DCC: variants seen among roughly 807,000 people sequenced by gnomAD.
The protein encoded by DCC is DCC netrin 1 receptor.
Under a neutral mutation model 172.5 loss-of-function variants are expected in DCC, and 58 were observed. The observed-to-expected ratio is 0.34, with a 90% CI of 0.27 to 0.42. The LOEUF is 0.42. DCC is among the 10% of genes least tolerant of loss of function. The pLI is 1.00. For synonymous variants in DCC, 709 were observed against 644.5 expected, an observed-to-expected ratio of 1.10 and a Z score of -1.52; for missense variants, 1,740 against 1,791.0, an observed-to-expected ratio of 0.97 and a Z score of 0.51.
chr18:53,042,744 CA>C (rs2042187065), intron 5 of DCC, among the ~76,000 whole-genome samples: 1 of 151,920 alleles, frequency 6.6e-6, no homozygotes, highest in African/African-American at 2.4e-5. Flanking sequence ...AAATGCAAAT[CA>C]AAACTAAAAT....
intron 1 of DCC, among the ~76,000 whole-genome samples, chr18:52,345,437 A>C (rs568423819): frequency 5.9e-5 from 9 of 152,286 alleles, no homozygotes; most frequent in Admixed American, 2.0e-4. Flanking sequence ...TAAGAGTTTC[A>C]TGAGTTGTCA....
chr18:53,298,169 G>A (rs1401034362), intron 12 of DCC, among the ~76,000 whole-genome samples: 2 of 152,060 alleles, frequency 1.3e-5, no homozygotes, highest in African/African-American at 4.8e-5. Context: ...CTTATCAAGT[G>A]ATTTACACTT....
intron 5 of DCC, among the ~76,000 whole-genome samples, chr18:52,928,182 T>C (rs2040249024): frequency 2.0e-5 from 3 of 152,126 alleles, no homozygotes; most frequent in Admixed American, 2.0e-4. Flanking sequence ...CATTTTCCTA[T>C]TTATAAGTGG....
At position 53,533,248 on chromosome 18, in the gene DCC, G is replaced by A. The variant is rs917602158; in HGVS notation, c.*2595G>A. ...GATCTCTTGACAAGAAGAAACCTGT[G>A]AATACTGCAAACTAGCCTCTGACTT... On this transcript the variant is annotated 3_prime_UTR_variant, in exon 29 of 29. Coordinates refer to ENST00000442544, the MANE Select transcript of DCC (RefSeq NM_005215.4). 2.6e-5 allele frequency: 4 copies of A among 152,068 alleles called. No individual in the cohort carries two copies. Among genetic ancestry groups the A allele is most frequent in the Non-Finnish European group, 5.9e-5 (4 of 68,014 alleles). 9.4% of individuals were successfully genotyped at this position (152,068 alleles called of 1,614,324 possible). A position where few individuals can be genotyped will look rare whatever the true frequency, so the allele number is the denominator to read the frequency against.
intron 21 of DCC, among the ~76,000 whole-genome samples, chr18:53,432,764 G>A (rs1377491467): frequency 1.3e-5 from 2 of 149,902 alleles, no homozygotes. Context: ...TTATTATTAT[G>A]TATTGGCCAC....
At chr18:53,007,459 A>T (rs1283335557) in intron 5 of DCC, among the ~76,000 whole-genome samples, 1 of 152,164 alleles carries the variant, frequency 6.6e-6, no homozygotes, top group Non-Finnish European at 1.5e-5. Flanking sequence ...CTGGAACTAA[A>T]TAAGAGCTGA....
intron 2 of DCC, among the ~76,000 whole-genome samples, chr18:52,883,381 TGTGTGTGTGTGAGA>T (rs2039520973): frequency 8.6e-6 from 1 of 115,850 alleles, no homozygotes; most frequent in Non-Finnish European, 2.1e-5. Context: ...TGTGTGTGTG[TGTGTGTGTGTGAGA>T]TCTCTTTCTG....
intron 7 of DCC, among the ~76,000 whole-genome samples, chr18:53,118,650 A>T (rs1453040316): frequency 6.6e-6 from 1 of 151,838 alleles, no homozygotes; most frequent in East Asian, 1.9e-4. Flanking sequence ...ATATACATTA[A>T]GTCCTTTATG....
At chr18:52,348,091 A>G (rs1425683111) in intron 1 of DCC, among the ~76,000 whole-genome samples, 1 of 152,164 alleles carries the variant, frequency 6.6e-6, no homozygotes, top group Non-Finnish European at 1.5e-5. Flanking sequence ...TAATGTGTAT[A>G]TTCTCTGACT....
chr18:53,150,512 T>C lies in DCC; in HGVS notation c.1262-6844T>C, dbSNP rs576326029. On this transcript the variant is annotated intron_variant, in intron 7 of 28. Transcript: ENST00000442544. ...TCCTTCTTTCACAGAGCATACAATT[T>C]GTAATAGGATCACAACAACAATAAC... Among the ~76,000 whole-genome samples the C allele has an allele frequency of 5.4e-4, 83 of 152,318 alleles. 1 individual carries two copies. The South Asian group carries it at 0.017, about 31-fold the overall frequency.
intron 1 of DCC, among the ~76,000 whole-genome samples, chr18:52,355,746 G>C (rs189239634): frequency 6.6e-6 from 1 of 152,134 alleles, no homozygotes; most frequent in East Asian, 1.9e-4. Context: ...GAAAAAAAAA[G>C]GTGACCAGAG....
chr18:52,601,351 CT>C (rs894960356), intron 1 of DCC, among the ~76,000 whole-genome samples: 5 of 151,870 alleles, frequency 3.3e-5, no homozygotes, highest in African/African-American at 7.2e-5. Context: ...GTAGTTTACA[CT>C]TTTTTTTCCC....
intron 2 of DCC, among the ~76,000 whole-genome samples, chr18:52,888,255 G>A (rs1278796192): frequency 1.3e-5 from 2 of 152,152 alleles, no homozygotes; most frequent in African/African-American, 2.4e-5. Flanking sequence ...GGCCAGAAGT[G>A]CTGACAAAAA....
At chr18:52,911,401 G>C (rs2145459971) in intron 3 of DCC, among the ~76,000 whole-genome samples, 1 of 150,978 alleles carries the variant, frequency 6.6e-6, no homozygotes, top group East Asian at 1.9e-4. Context: ...GATAAATGCA[G>C]AATGAGAAAT....
intron 1 of DCC, chr18:52,409,029 T>A (rs1400194731): frequency 1.3e-5 from 2 of 152,134 alleles, no homozygotes; most frequent in Non-Finnish European, 2.9e-5. Flanking sequence ...CAGACAATCC[T>A]GAGTTCTCAT....
At chr18:53,301,800 G>C (rs2057145176) in intron 12 of DCC, among the ~76,000 whole-genome samples, 1 of 151,844 alleles carries the variant, frequency 6.6e-6, no homozygotes, top group Non-Finnish European at 1.5e-5. Flanking sequence ...TTCTACTGCT[G>C]CTTCTCCTCC....
At chr18:52,895,296 AG>A (rs1359994926) in intron 2 of DCC, among the ~76,000 whole-genome samples, 1 of 152,226 alleles carries the variant, frequency 6.6e-6, no homozygotes, top group Non-Finnish European at 1.5e-5. Flanking sequence ...CTTAATAGAA[AG>A]CCTCAGCCTG....
chr18:52,747,935 A>G (rs534183659), intron 1 of DCC, among the ~76,000 whole-genome samples: 1 of 152,284 alleles, frequency 6.6e-6, no homozygotes, highest in South Asian at 2.1e-4. Flanking sequence ...CCAGCCGGAA[A>G]TCTTCCACAA....
chr18:53,321,980 G>T, intron 13 of DCC, 67 bp from the exon 14 acceptor site: 1 of 869,670 alleles, frequency 1.1e-6, no homozygotes, highest in South Asian at 1.3e-5. Flanking sequence ...TGAAGCTTTT[G>T]GAAACCCAGG....
Sources: gnomAD v4.1 joint callset for allele counts (sites outside exome capture counted in the v4.1 genomes callset) on GRCh38, gnomAD v4.1.1 for gene constraint, MANE v1.5 for transcripts, NCBI Gene and HGNC (gene_info 2026-07-23, HGNC 2026-07-21) for gene names.